APOBEC2: variants seen among roughly 807,000 people sequenced by gnomAD.
APOBEC2 encodes C->U-editing enzyme APOBEC-2.
In APOBEC2, 14 loss-of-function variants were observed where a neutral mutation model predicts 19.4. That is an observed-to-expected ratio of 0.72 (90% CI 0.48 to 1.13). The LOEUF is 1.13. Among genes scored for constraint, APOBEC2 ranks in the 50% most tolerant of loss-of-function variants. APOBEC2 has a pLI of 0.00. For synonymous variants in APOBEC2, 127 were observed against 112.1 expected (o/e 1.13, Z -0.84); for missense variants, 304 against 277.0 (o/e 1.10, Z -0.69).
intron 1 of APOBEC2, 27 bp from the exon 2 acceptor site, chr6:41,061,301 C>A (rs1170463781): frequency 6.6e-7 from 1 of 1,513,108 alleles, no homozygotes; most frequent in South Asian, 1.4e-5. Context: ...TCATTCTTTC[C>A]TGTCCTTTTG....
At chr6:41,055,000 C>T (rs2114025383) in intron 1 of APOBEC2, among the ~76,000 whole-genome samples, 1 of 152,300 alleles carries the variant, frequency 6.6e-6, no homozygotes, top group South Asian at 2.1e-4. Context: ...ATATAACTTA[C>T]ATTTGTCCAG....
At position 41,061,871 on chromosome 6, in the gene APOBEC2, G is replaced by A. The variant is rs41273364; in HGVS notation, c.675G>A (p.Ter225=). 6.2e-7 allele frequency: 1 copy of A among 1,610,522 alleles called. No homozygotes were observed. Among genetic ancestry groups the A allele is most frequent in the Non-Finnish European group, 8.5e-7 (1 of 1,178,228 alleles). ...AGAAGTTGGCAGACATCCTGAAGTA[G>A]GGCAACTGGGCTTTGCCTCACGTGA... is the stretch of plus-strand genomic sequence containing the variant. ...YEEKLADILK[*] is the part of the protein sequence containing the mutation. The change falls in exon 2 of 3, where the codon TAG becomes TAA. Residue 225 remains the stop codon, a stop_retained_variant. Coordinates refer to ENST00000244669, the MANE Select transcript of APOBEC2 (RefSeq NM_006789.4).
chr6:41,053,245 G>C lies in APOBEC2; in HGVS notation c.-103G>C. 1 of 1,468,502 alleles carries C rather than the reference G, an allele frequency of 6.8e-7. No homozygotes were observed. Among genetic ancestry groups the C allele is most frequent in the Non-Finnish European group, 9.1e-7 (1 of 1,100,068 alleles). 91.0% of individuals were successfully genotyped at this position (1,468,502 alleles called of 1,614,324 possible). On this transcript the variant is annotated 5_prime_UTR_variant, in exon 1 of 3. Coordinates refer to ENST00000244669, the MANE Select transcript of APOBEC2 (RefSeq NM_006789.4). ...GTCCTTTTCCCGTCATCCCCAGCCA[G>C]ATTTAGCTGCTGACAGCTGCTTGGG... is the stretch of plus-strand genomic sequence containing the variant.
At chr6:41,062,943 G>A (rs982477512) in intron 2 of APOBEC2, among the ~76,000 whole-genome samples, 12 of 152,122 alleles carry the variant, frequency 7.9e-5, no homozygotes, top group Non-Finnish European at 1.3e-4. Context: ...GGGTACTCAC[G>A]ACACTCTTAC....
intron 1 of APOBEC2, among the ~76,000 whole-genome samples, chr6:41,059,527 C>T (rs910337404): frequency 6.6e-6 from 1 of 152,108 alleles, no homozygotes; most frequent in African/African-American, 2.4e-5. Flanking sequence ...AAACATCAGG[C>T]GATCCATTCT....
intron 2 of APOBEC2, among the ~76,000 whole-genome samples, chr6:41,063,363 CTT>C (rs1198949618): frequency 6.6e-6 from 1 of 152,106 alleles, no homozygotes; most frequent in African/African-American, 2.4e-5. Context: ...TAAAATTTAA[CTT>C]TTAGAATTCC....
In APOBEC2 at chr6:41,064,550, TG is replaced by T. The variant is rs1214368256; in HGVS notation, c.*473del. ...CAGATTTTTAAGAAACTTGAACATC[TG>T]GAAGTTGCCACAGACAAGCGAGCTA... On this transcript the variant is annotated 3_prime_UTR_variant, in exon 3 of 3. Transcript: ENST00000244669. The T allele has an allele frequency of 1.3e-5, 2 of 152,358 alleles. No homozygotes were observed. Among genetic ancestry groups the T allele is most frequent in the Admixed American group, 1.3e-4 (2 of 15,308 alleles). The allele number at this position is 152,358 out of a possible 1,614,324, so 9.4% of individuals were successfully genotyped here. A position where few individuals can be genotyped will look rare whatever the true frequency, so the allele number is the denominator to read the frequency against.
intron 1 of APOBEC2, among the ~76,000 whole-genome samples, chr6:41,054,600 T>C (rs904454068): frequency 1.3e-5 from 2 of 152,198 alleles, no homozygotes; most frequent in African/African-American, 4.8e-5. Context: ...CAAGAGAACC[T>C]AAGGGAAAAT....
chr6:41,054,324 T>C (rs763966603), intron 1 of APOBEC2, among the ~76,000 whole-genome samples: 19 of 152,210 alleles, frequency 1.2e-4, no homozygotes, highest in Non-Finnish European at 2.6e-4. Context: ...AGAGAATCTA[T>C]GAGGCCATAT....
intron 1 of APOBEC2, among the ~76,000 whole-genome samples, chr6:41,054,130 T>C (rs1762764541): frequency 6.6e-6 from 1 of 152,110 alleles, no homozygotes; most frequent in South Asian, 2.1e-4. Context: ...TGCTCAGGCA[T>C]TGCCTGGAGG....
rs1286235688 is a variant in APOBEC2, at chr6:41,064,834, T to C, written c.*755T>C. The C allele has an allele frequency of 6.6e-6, 1 of 152,144 alleles. No individual in the cohort carries two copies. Among genetic ancestry groups the C allele is most frequent in the Non-Finnish European group, 1.5e-5 (1 of 68,034 alleles). 9.4% of individuals were successfully genotyped at this position (152,144 alleles called of 1,614,324 possible). On this transcript the variant is annotated 3_prime_UTR_variant, in exon 3 of 3. Transcript: ENST00000244669. ...GAGCGGGTGAAAAGTAGTAGTTTAA[T>C]GTTCAGATATACAATCATTTAAAAG... is the stretch of plus-strand genomic sequence containing the variant.
intron 1 of APOBEC2, 105 bp from the exon 2 acceptor site, chr6:41,061,223 A>T: frequency 1.4e-6 from 1 of 700,336 alleles, no homozygotes; most frequent in Non-Finnish European, 2.1e-6. Flanking sequence ...AGTAAGAGTG[A>T]ATGCATTTCT....
chr6:41,061,585 C>G lies in APOBEC2; in HGVS notation c.389C>G (p.Ala130Gly), dbSNP rs756861846. ...TWYVSSSPCA[A>G]CADRIIKTLS... is the part of the protein sequence containing the mutation. ...TATGTGTCCTCCAGCCCCTGTGCAG[C>G]GTGTGCTGACCGCATTATCAAAACC... Residue 130 changes from alanine to glycine, a missense_variant, in exon 2 of 3, where the codon GCG (alanine) becomes GGG (glycine). Coordinates refer to ENST00000244669, the MANE Select transcript of APOBEC2 (RefSeq NM_006789.4). 2.5e-6 allele frequency: 4 copies of G among 1,614,120 alleles called. No individual in the cohort carries two copies. The African/African-American group carries it at 5.3e-5, about 22-fold the overall frequency.
chr6:41,061,156 C>CTTTTTTT (rs35586672), intron 1 of APOBEC2, among the ~76,000 whole-genome samples, 172 bp from the exon 2 acceptor site: 39 of 105,648 alleles, frequency 3.7e-4, no homozygotes, highest in Middle Eastern at 5.7e-3. Context: ...TTTTTTAATG[C>CTTTTTTT]TTTTTTTTTT....
At chr6:41,053,601 G>A (rs1762757898) in intron 1 of APOBEC2, 123 bp downstream of exon 1, 3 of 1,430,444 alleles carry the variant, frequency 2.1e-6, no homozygotes, top group African/African-American at 1.4e-5. Flanking sequence ...AGCAGTGAGA[G>A]TGCACCAGTG....
At chr6:41,054,516 CCA>C (rs1483490457) in intron 1 of APOBEC2, among the ~76,000 whole-genome samples, 3 of 152,166 alleles carry the variant, frequency 2.0e-5, no homozygotes, top group African/African-American at 7.2e-5. Context: ...TTCCAGTCAG[CCA>C]CAGTTTTAGC....
chr6:41,060,726 C>T (rs1307595177), intron 1 of APOBEC2, among the ~76,000 whole-genome samples: 2 of 152,214 alleles, frequency 1.3e-5, no homozygotes, highest in Non-Finnish European at 2.9e-5. Context: ...AGAAGGAGAG[C>T]ATGTTATTGC....
intron 1 of APOBEC2, among the ~76,000 whole-genome samples, chr6:41,060,459 T>C (rs1762856676): frequency 6.6e-6 from 1 of 152,228 alleles, no homozygotes. Flanking sequence ...CCTATCCAAT[T>C]TTAGCAGTCT....
chr6:41,059,064 T>C (rs756110554), intron 1 of APOBEC2, among the ~76,000 whole-genome samples: 3 of 152,050 alleles, frequency 2.0e-5, no homozygotes, highest in Admixed American at 1.3e-4. Context: ...GAGGGGAAAA[T>C]GTCAGAGCTT....
Sources: allele counts gnomAD v4.1 joint callset (sites outside exome capture counted in the v4.1 genomes callset), GRCh38; gene constraint gnomAD v4.1.1; transcripts MANE v1.5; gene names NCBI Gene and HGNC (gene_info 2026-07-23, HGNC 2026-07-21).